Variants in NDUFAF6 observed in about 807,000 individuals in gnomAD.
NDUFAF6 encodes NADH:ubiquinone oxidoreductase complex assembly factor 6.
In NDUFAF6, 45 loss-of-function variants were observed where a neutral mutation model predicts 40.8. The observed-to-expected ratio is 1.10, with a 90% CI of 0.87 to 1.42. The LOEUF (loss-of-function observed/expected upper bound fraction) is 1.42. NDUFAF6 is among the 40% of genes most tolerant of loss of function. NDUFAF6 has a pLI of 0.00. For missense variants in NDUFAF6, 435 were observed against 418.5 expected (o/e 1.04, Z -0.34); for synonymous variants, 185 against 155.9 (o/e 1.19, Z -1.39).
Position 95,041,617 on chromosome 8 carries a change from C to T in NDUFAF6, c.468C>T (p.Val156=), listed in dbSNP as rs758166234. Residue 156 remains valine (V), a synonymous_variant, in exon 4 of 9, where the codon GTC becomes GTT. Transcript: ENST00000396124. ...CTAAAAGATGGCTTATGAAAATCGT[C>T]GATGAAAGAGTGAGTCAAAATTGTT... The part of the protein sequence containing the change: ...NLTKRWLMKI[V]DEREKNLDDK... 24 of 1,611,628 alleles carry T rather than the reference C, an allele frequency of 1.5e-5. No homozygotes were observed. The highest frequency in any genetic ancestry group is 4.5e-5 in the East Asian group (2 of 44,766).
chr8:94,903,214 G>GC (rs1818141958), intron 1 of NDUFAF6, among the ~76,000 whole-genome samples: 1 of 152,054 alleles, frequency 6.6e-6, no homozygotes, highest in Admixed American at 6.6e-5. Flanking sequence ...AAAGAAGTTA[G>GC]CTGGGTGTGG....
intron 2 of NDUFAF6, among the ~76,000 whole-genome samples, chr8:95,009,248 T>A (rs1438304005): frequency 6.6e-6 from 1 of 151,452 alleles, no homozygotes; most frequent in Non-Finnish European, 1.5e-5. Context: ...TGTGGAAATA[T>A]CCTGAACTCC....
intron 1 of NDUFAF6, among the ~76,000 whole-genome samples, chr8:94,944,995 C>T (rs1436655667): frequency 6.6e-6 from 1 of 152,192 alleles, no homozygotes; most frequent in Non-Finnish European, 1.5e-5. Flanking sequence ...CTAAAACTGT[C>T]CACTGAGGTA....
intron 1 of NDUFAF6, among the ~76,000 whole-genome samples, chr8:94,931,587 T>TACACACACACACACACACACAC (rs557721378): frequency 7.3e-5 from 5 of 68,532 alleles, no homozygotes; most frequent in African/African-American, 1.7e-4. Flanking sequence ...ACATATTTAT[T>TACACACACACACACACACACAC]ACACACACAC....
At chr8:95,105,729 C>T (rs1274236713), downstream of NDUFAF6, among the ~76,000 whole-genome samples, 1 of 152,016 alleles carries the variant, frequency 6.6e-6, no homozygotes, top group African/African-American at 2.4e-5. Context: ...TCTTGAACTC[C>T]TGATCACGTG....
At chr8:94,927,093 A>G (rs1819961627) in intron 1 of NDUFAF6, 1 of 152,594 alleles carries the variant, frequency 6.6e-6, no homozygotes, top group South Asian at 2.1e-4. Flanking sequence ...TCTTGACTCA[A>G]AAAATGAAAA....
At chr8:95,062,809 A>G (rs1431468522), downstream of NDUFAF6, among the ~76,000 whole-genome samples, 1 of 152,194 alleles carries the variant, frequency 6.6e-6, no homozygotes, top group Non-Finnish European at 1.5e-5. Flanking sequence ...CCCAGAACCT[A>G]AAGTAGATCC....
intron 4 of NDUFAF6, among the ~76,000 whole-genome samples, chr8:95,043,342 G>A (rs2131866256): frequency 6.6e-6 from 1 of 151,936 alleles, no homozygotes; most frequent in Non-Finnish European, 1.5e-5. Context: ...ACCCGCCTCA[G>A]CCTCCCGAAG....
chr8:95,056,151 CCTTCA>C (rs1199089762), intron 8 of NDUFAF6, among the ~76,000 whole-genome samples: 1 of 150,524 alleles, frequency 6.6e-6, no homozygotes, highest in Non-Finnish European at 1.5e-5. Context: ...ACCTATAGTA[CCTTCA>C]CTTCACTGTA....
intron 2 of NDUFAF6, among the ~76,000 whole-genome samples, chr8:94,947,076 G>A (rs188159361): frequency 9.2e-5 from 14 of 152,220 alleles, no homozygotes; most frequent in Admixed American, 7.9e-4. Flanking sequence ...TGAGGAAACC[G>A]AGGCTGAGGA....
chr8:95,013,757 G>C (rs903503331), intron 2 of NDUFAF6, among the ~76,000 whole-genome samples: 1 of 152,130 alleles, frequency 6.6e-6, no homozygotes, highest in African/African-American at 2.4e-5. Context: ...GAAAAAAATA[G>C]GGCAGCATAA....
At chr8:95,091,639 A>ATC (rs1164097863) in intron 2 of NDUFAF6, among the ~76,000 whole-genome samples, 3 of 151,368 alleles carry the variant, frequency 2.0e-5, no homozygotes, top group East Asian at 1.9e-4. Context: ...TCAATTGTTC[A>ATC]TCTCTCTCTC....
chr8:95,028,020 A>G (rs989641765), intron 1 of NDUFAF6, among the ~76,000 whole-genome samples: 1 of 152,212 alleles, frequency 6.6e-6, no homozygotes, highest in African/African-American at 2.4e-5. Flanking sequence ...AGGAGGTACT[A>G]CTGGTGGTGT....
At chr8:95,015,710 G>A (rs1318768052) in intron 2 of NDUFAF6, among the ~76,000 whole-genome samples, 1 of 152,168 alleles carries the variant, frequency 6.6e-6, no homozygotes, top group Non-Finnish European at 1.5e-5. Flanking sequence ...TTCCTCAAGA[G>A]TGAGATGGAC....
intron 1 of NDUFAF6, among the ~76,000 whole-genome samples, chr8:94,979,634 AT>A (rs1563765747): frequency 6.6e-6 from 1 of 152,100 alleles, no homozygotes; most frequent in African/African-American, 2.4e-5. Context: ...TTTTTGTAAT[AT>A]TTTTTCAAGT....
chr8:94,948,046 A>G (rs577412625), intron 2 of NDUFAF6, among the ~76,000 whole-genome samples: 1 of 152,316 alleles, frequency 6.6e-6, no homozygotes, highest in Non-Finnish European at 1.5e-5. Context: ...CCTTTTCCCA[A>G]AACTATTGTG....
chr8:95,000,263 G>C (rs1261642965), intron 2 of NDUFAF6, among the ~76,000 whole-genome samples: 1 of 152,154 alleles, frequency 6.6e-6, no homozygotes, highest in Non-Finnish European at 1.5e-5. Flanking sequence ...CTTGAGTCTG[G>C]GAGGCGGAGG....
intron 2 of NDUFAF6, among the ~76,000 whole-genome samples, chr8:95,094,329 A>G (rs987701332): frequency 2.7e-5 from 4 of 149,008 alleles, no homozygotes; most frequent in Non-Finnish European, 4.5e-5. Context: ...ACTGTGCCCA[A>G]CTATTCTATG....
chr8:95,047,199 T>C, intron 6 of NDUFAF6, 72 bp downstream of exon 6: 2 of 1,601,226 alleles, frequency 1.2e-6, no homozygotes, highest in Non-Finnish European at 1.7e-6. Flanking sequence ...TTTTGCTTTT[T>C]TGCTTAGTCT....
Sources: gnomAD v4.1 joint callset for allele counts (sites outside exome capture counted in the v4.1 genomes callset) on GRCh38, gnomAD v4.1.1 for gene constraint, MANE v1.5 for transcripts, NCBI Gene and HGNC (gene_info 2026-07-23, HGNC 2026-07-21) for gene names.